Variants in GRIA1 observed in about 807,000 individuals in gnomAD.
GRIA1 encodes glutamate ionotropic receptor AMPA type subunit 1.
In GRIA1, 31 loss-of-function variants were observed where a neutral mutation model predicts 99.2. The ratio of observed to expected loss-of-function variants is 0.31; its 90% CI spans 0.23 to 0.42. GRIA1 has a LOEUF of 0.42. GRIA1 is among the 10% of genes least tolerant of loss of function. GRIA1 has a pLI of 1.00. For synonymous variants in GRIA1, 438 were observed against 432.4 expected, an observed-to-expected ratio of 1.01 and a Z score of -0.16; for missense variants, 782 against 1,157.5, an observed-to-expected ratio of 0.68 and a Z score of 4.71.
intron 5 of GRIA1, among the ~76,000 whole-genome samples, chr5:153,668,689 G>A (rs1755927513): frequency 6.6e-6 from 1 of 152,112 alleles, no homozygotes; most frequent in East Asian, 1.9e-4. Flanking sequence ...TGGAATAGGG[G>A]GACACTAATA....
chr5:153,623,237 G>A (rs1350599409), intron 2 of GRIA1, among the ~76,000 whole-genome samples: 6 of 152,188 alleles, frequency 3.9e-5, no homozygotes, highest in Non-Finnish European at 7.3e-5. Flanking sequence ...AAAATGCCAT[G>A]ATTAATTAAT....
intron 4 of GRIA1, among the ~76,000 whole-genome samples, chr5:153,652,862 G>A (rs190327186): frequency 6.6e-6 from 1 of 152,210 alleles, no homozygotes; most frequent in East Asian, 1.9e-4. Flanking sequence ...TTATATCTCT[G>A]ACTTACAATC....
chr5:153,785,400 T>A lies in GRIA1; in HGVS notation c.2271-9221T>A, dbSNP rs546605674. On this transcript the variant is annotated intron_variant, in intron 13 of 15. Coordinates refer to ENST00000285900, the MANE Select transcript of GRIA1 (RefSeq NM_000827.4). ...CCTAGTGGTTCCCAAACTGCAGATATCATGTATCAGTAAAATTACAAAAAA... is the reference window on the plus strand; with the variant it reads ...CCTAGTGGTTCCCAAACTGCAGATAACATGTATCAGTAAAATTACAAAAAA... Among the ~76,000 whole-genome samples the A allele has an allele frequency of 2.8e-3, 422 of 152,256 alleles. 1 individual carries two copies. Among genetic ancestry groups the A allele is most frequent in the Non-Finnish European group, 4.6e-3 (311 of 68,028 alleles).
At chr5:153,739,042 C>A (rs1393293973) in intron 11 of GRIA1, among the ~76,000 whole-genome samples, 1 of 150,604 alleles carries the variant, frequency 6.6e-6, no homozygotes, top group African/African-American at 2.4e-5. Context: ...TTCTTGTTTC[C>A]ACCTTACCCT....
At position 153,686,207 on chromosome 5, in the gene GRIA1, CTTGGT is replaced by C. The variant is rs1322755550; in HGVS notation, c.1030-15_1030-11del. The C allele has an allele frequency of 6.3e-7, 1 of 1,591,752 alleles. No homozygotes were observed. The highest frequency in any genetic ancestry group is 1.7e-5 in the Admixed American group (1 of 59,978). On this transcript the variant is annotated splice_polypyrimidine_tract_variant and intron_variant, in intron 7 of 15. Transcript: ENST00000285900. The stretch of plus-strand genomic sequence containing the variant: ...GTACATCTGAGTTCACTGCCCACCA[CTTGGT>C]TTTGTTTTCCAGGTGCGATTTGAAG...
chr5:153,579,896 CA>C (rs375002542), intron 2 of GRIA1, among the ~76,000 whole-genome samples: 53 of 145,406 alleles, frequency 3.6e-4, no homozygotes, highest in African/African-American at 1.1e-3. Flanking sequence ...AACAAACAAA[CA>C]AAAAAAAAAA....
intron 8 of GRIA1, among the ~76,000 whole-genome samples, chr5:153,697,696 G>A (rs1365823942): frequency 2.0e-5 from 3 of 152,182 alleles, no homozygotes; most frequent in African/African-American, 7.2e-5. Context: ...ATGGGGGAAA[G>A]AGGGGTTTGA....
intron 2 of GRIA1, among the ~76,000 whole-genome samples, chr5:153,554,872 A>G (rs1760480213): frequency 6.6e-6 from 1 of 152,190 alleles, no homozygotes; most frequent in Non-Finnish European, 1.5e-5. Context: ...AATATGATAT[A>G]AAGGTAAATG....
intron 2 of GRIA1, among the ~76,000 whole-genome samples, chr5:153,611,221 G>T (rs1765953559): frequency 6.6e-6 from 1 of 152,118 alleles, no homozygotes; most frequent in Non-Finnish European, 1.5e-5. Flanking sequence ...TAAATATATG[G>T]AGCCAATTAT....
At chr5:153,640,733 G>A (rs1466211710) in intron 2 of GRIA1, among the ~76,000 whole-genome samples, 1 of 152,144 alleles carries the variant, frequency 6.6e-6, no homozygotes, top group Admixed American at 6.5e-5. Context: ...CTTAAGCTCT[G>A]TGAAGGTAGA....
Position 153,609,562 on chromosome 5 carries a change from T to C in GRIA1, c.221-37366T>C, listed in dbSNP as rs1045125615. ...TGGGATTCAGACTCTTTTCTTTTTT[T>C]TTTTTTTTTTTTTTTTTTTGAGATG... is the stretch of plus-strand genomic sequence containing the variant. On this transcript the variant is annotated intron_variant, in intron 2 of 15. Coordinates refer to ENST00000285900, the MANE Select transcript of GRIA1 (RefSeq NM_000827.4). 1.4e-3 allele frequency among the ~76,000 whole-genome samples: 189 copies of C among 136,182 alleles called. 2 individuals are homozygous for C. The highest frequency in any genetic ancestry group is 3.0e-3 in the Admixed American group (41 of 13,586). The allele number at this position is 136,182 out of a possible 152,430, so 89.3% of individuals were successfully genotyped here.
In GRIA1 at chr5:153,757,541, A is replaced by G. The variant is rs116637976; in HGVS notation, c.1824-6893A>G. Among the ~76,000 whole-genome samples, 1,398 of 152,312 alleles carry G rather than the reference A, an allele frequency of 9.2e-3. 13 individuals carry two copies. The highest frequency in any genetic ancestry group is 0.032 in the African/African-American group (1,317 of 41,570). On this transcript the variant is annotated intron_variant, in intron 11 of 15. Coordinates refer to ENST00000285900, the MANE Select transcript of GRIA1 (RefSeq NM_000827.4). ...CAAGGACAAAGAGAATTCTAAAAGC[A>G]GCAAGAGAAAAGAAGCAAATAACAT...
At chr5:153,752,972 G>A (rs1762593757) in intron 11 of GRIA1, among the ~76,000 whole-genome samples, 1 of 152,174 alleles carries the variant, frequency 6.6e-6, no homozygotes, top group Non-Finnish European at 1.5e-5. Context: ...GCTTAAAGAT[G>A]GAGGAAGTCA....
chr5:153,637,385 G>A (rs1405801881), intron 2 of GRIA1, among the ~76,000 whole-genome samples: 4 of 152,126 alleles, frequency 2.6e-5, no homozygotes, highest in Non-Finnish European at 5.9e-5. Flanking sequence ...TTCAAGACCA[G>A]GTACCTTTCT....
intron 2 of GRIA1, among the ~76,000 whole-genome samples, chr5:153,551,024 G>GT (rs11394164): frequency 0.47 from 70,576 of 151,638 alleles, 18,098 homozygotes; most frequent in Non-Finnish European, 0.59. Context: ...GGGGATTACA[G>GT]TAAGAAAACC....
In GRIA1 at chr5:153,674,548, G is replaced by A. The variant is rs745774654; in HGVS notation, c.748G>A (p.Val250Met). The A allele has an allele frequency of 6.2e-7, 1 of 1,614,130 alleles. No homozygotes were observed. Among genetic ancestry groups the A allele is most frequent in the Non-Finnish European group, 8.5e-7 (1 of 1,179,992 alleles). ...CAAATTCAAGGAGAGTGGCGCCAATGTGACAGGTTTCCAGCTGGTGAACTA... is the reference window on the plus strand; with the variant it reads ...CAAATTCAAGGAGAGTGGCGCCAATATGACAGGTTTCCAGCTGGTGAACTA... ...LNKFKESGANVTGFQLVNYTD... is the reference protein window; with the variant it reads ...LNKFKESGANMTGFQLVNYTD... The change falls in exon 6 of 16, where the codon GTG becomes ATG. Residue 250 changes from valine (V) to methionine (M), a missense_variant. By Grantham distance (21) the Val-to-Met change is conservative. Coordinates refer to ENST00000285900, the MANE Select transcript of GRIA1 (RefSeq NM_000827.4).
At chr5:153,729,232 T>C (rs1485389455) in intron 11 of GRIA1, among the ~76,000 whole-genome samples, 1 of 135,004 alleles carries the variant, frequency 7.4e-6, no homozygotes, top group Non-Finnish European at 1.6e-5. Flanking sequence ...TGGGGACTGT[T>C]GTGGGGTAGG....
chr5:153,589,212 G>T (rs1376153518), intron 2 of GRIA1, among the ~76,000 whole-genome samples: 2 of 151,988 alleles, frequency 1.3e-5, no homozygotes, highest in African/African-American at 4.8e-5. Context: ...AGGAAGGATG[G>T]TATAGAAATT....
intron 2 of GRIA1, among the ~76,000 whole-genome samples, chr5:153,586,453 A>T (rs933824532): frequency 2.6e-5 from 4 of 152,182 alleles, no homozygotes; most frequent in Non-Finnish European, 4.4e-5. Context: ...AGTGCATGGG[A>T]TTGCCAGGAT....
Sources: gnomAD v4.1 joint callset for allele counts (sites outside exome capture counted in the v4.1 genomes callset) on GRCh38, gnomAD v4.1.1 for gene constraint, MANE v1.5 for transcripts, NCBI Gene and HGNC (gene_info 2026-07-23, HGNC 2026-07-21) for gene names.